P4HTM: variants seen among roughly 807,000 people sequenced by gnomAD.
P4HTM encodes the protein transmembrane prolyl 4-hydroxylase.
Under a neutral mutation model 55.3 loss-of-function variants are expected in P4HTM, and 33 were observed. The ratio of observed to expected loss-of-function variants is 0.60; its 90% CI spans 0.45 to 0.80. P4HTM has a LOEUF of 0.80. P4HTM is among the 30% of genes least tolerant of loss of function. The pLI, the probability that P4HTM is intolerant of heterozygous loss-of-function variation, is 0.00. For missense variants in P4HTM, 542 were observed against 696.5 expected, an observed-to-expected ratio of 0.78 and a Z score of 2.50; for synonymous variants, 272 against 286.4, an observed-to-expected ratio of 0.95 and a Z score of 0.51.
Position 49,004,228 on chromosome 3 carries a change from T to C in P4HTM, c.855T>C (p.Gly285=). 1 of 1,548,638 alleles carries C rather than the reference T, an allele frequency of 6.5e-7. No individual in the cohort carries two copies. The highest frequency in any genetic ancestry group is 8.7e-7 in the Non-Finnish European group (1 of 1,146,690). ...ATACCTGGCTCTACCAGGGTGAGGG[T>C]GCCCACCACATCATGCGTGCCATCC... ...SHHTWLYQGE[G]AHHIMRAIRQ... is the part of the protein sequence containing the mutation. Residue 285 remains glycine (G), a synonymous_variant, in exon 5 of 9, where the codon GGT becomes GGC. Coordinates refer to ENST00000383729, the MANE Select transcript of P4HTM (RefSeq NM_177939.3).
chr3:48,992,395 C>G (rs1319175323), intron 2 of P4HTM, among the ~76,000 whole-genome samples: 5 of 151,816 alleles, frequency 3.3e-5, no homozygotes, highest in African/African-American at 9.7e-5. Context: ...CACTTCAGGT[C>G]AGGAATTTGA....
intron 2 of P4HTM, among the ~76,000 whole-genome samples, chr3:48,992,703 T>C (rs2092934365): frequency 6.7e-6 from 1 of 149,914 alleles, no homozygotes; most frequent in Non-Finnish European, 1.5e-5. Context: ...TTCTCTCTTG[T>C]TGTCCAGGCT....
chr3:49,000,377 C>A (rs2092957675), intron 2 of P4HTM, among the ~76,000 whole-genome samples: 1 of 152,010 alleles, frequency 6.6e-6, no homozygotes, highest in Non-Finnish European at 1.5e-5. Flanking sequence ...TAGGGAGACT[C>A]CATCTCTACA....
In P4HTM at chr3:48,990,837, G is replaced by A; in HGVS notation, c.359G>A (p.Gly120Glu). The A allele has an allele frequency of 6.2e-7, 1 of 1,613,704 alleles. No homozygotes were observed. Among genetic ancestry groups the A allele is most frequent in the Non-Finnish European group, 8.5e-7 (1 of 1,179,820 alleles). Reference sequence around the variant, plus strand: ...CGCTGTGCGCCTTTTCCTTAGGTGGGGCACGAGCGTAAGGTCCAGCTGGTC... The same window carrying A: ...CGCTGTGCGCCTTTTCCTTAGGTGGAGCACGAGCGTAAGGTCCAGCTGGTC... ...PLTRLEGIKV[G>E]HERKVQLVTD... The change falls in exon 2 of 9, where the codon GGG (glycine) becomes GAG (glutamate). Residue 120 changes from glycine to glutamate, a missense_variant. Physicochemically the swap from Gly to Glu is moderately conservative, Grantham distance 98. This residue lies in a region of P4HTM where 536 missense variants were observed against 672.1 expected (regional missense o/e 0.80). Transcript: ENST00000383729. The surrounding 1 kb of genome is among the most constrained non-coding windows in gnomAD (Gnocchi z 7.2).
In P4HTM at chr3:48,990,971, T is replaced by G. The variant is rs1426028058; in HGVS notation, c.436+57T>G. ...AGGGGCTGCGGTTTGGTGGCCACCT[T>G]GAGGCTCGTTGTGACCACGTGACCT... On this transcript the variant is annotated intron_variant, in intron 2 of 8. Transcript: ENST00000383729. The surrounding 1 kb of genome is among the most constrained non-coding windows in gnomAD (Gnocchi z 7.2). 2.3e-6 allele frequency: 3 copies of G among 1,325,244 alleles called. No individual in the cohort carries two copies. Among genetic ancestry groups the G allele is most frequent in the Non-Finnish European group, 3.2e-6 (3 of 926,386 alleles). The allele number at this position is 1,325,244 out of a possible 1,614,324, so 82.1% of individuals were successfully genotyped here.
At position 49,002,143 on chromosome 3, in the gene P4HTM, TG is replaced by T. The variant is rs1332473549; in HGVS notation, c.628-356del. Reference sequence around the variant, plus strand: ...ATGCCCTAACCAGGTCTCCCCCTGGTGCCTGTTCTCCCTTAACACCCAGGAC... The same window carrying T: ...ATGCCCTAACCAGGTCTCCCCCTGGTCCTGTTCTCCCTTAACACCCAGGAC... On this transcript the variant is annotated intron_variant, in intron 3 of 8. Coordinates refer to ENST00000383729, the MANE Select transcript of P4HTM (RefSeq NM_177939.3). The surrounding 1 kb of genome is among the most constrained non-coding windows in gnomAD (Gnocchi z 4.4). Among the ~76,000 whole-genome samples the T allele has an allele frequency of 3.9e-5, 6 of 152,216 alleles. No individual in the cohort carries two copies. Among genetic ancestry groups the T allele is most frequent in the African/African-American group, 1.4e-4 (6 of 41,454 alleles).
chr3:48,990,869 A>G lies in P4HTM; in HGVS notation c.391A>G (p.Arg131Gly), dbSNP rs1315429258. ...HERKVQLVTDRDHFIRTLSLK... is the reference protein window; with the variant it reads ...HERKVQLVTDGDHFIRTLSLK... ...GCGTAAGGTCCAGCTGGTCACCGAC[A>G]GGGATCACTTCATCCGAACCCTCAG... Residue 131 changes from arginine (R) to glycine (G), a missense_variant, in exon 2 of 9, where the codon AGG becomes GGG. Arg to Gly is a moderately radical substitution (Grantham distance 125). Transcript: ENST00000383729. The surrounding 1 kb of genome is among the most constrained non-coding windows in gnomAD (Gnocchi z 7.2). 1 of 1,614,028 alleles carries G rather than the reference A, an allele frequency of 6.2e-7. No individual in the cohort carries two copies. Among genetic ancestry groups the G allele is most frequent in the African/African-American group, 1.3e-5 (1 of 75,054 alleles).
Position 49,001,439 on chromosome 3 carries a change from A to T in P4HTM, c.438A>T (p.Glu146Asp). The change falls in exon 3 of 9, where the codon GAA (glutamate) becomes GAT (aspartate). Residue 146 changes from glutamate (E) to aspartate (D), a missense_variant and splice_region_variant. Transcript: ENST00000383729. ...CTCACCCACCTCCTCTTCTGGCAGAAATCCCCGGCTTCCTGACTGATGAAG... is the reference window on the plus strand; with the variant it reads ...CTCACCCACCTCCTCTTCTGGCAGATATCCCCGGCTTCCTGACTGATGAAG... Reference protein sequence around the residue: ...RTLSLKPLLFEIPGFLTDEEC... With the variant: ...RTLSLKPLLFDIPGFLTDEEC... The T allele has an allele frequency of 6.2e-7, 1 of 1,613,762 alleles. No homozygotes were observed. Among genetic ancestry groups the T allele is most frequent in the Middle Eastern group, 1.6e-4 (1 of 6,062 alleles).
intron 2 of P4HTM, among the ~76,000 whole-genome samples, chr3:48,993,902 T>C (rs1401162242): frequency 1.4e-5 from 2 of 142,856 alleles, no homozygotes; most frequent in African/African-American, 5.2e-5. Context: ...GAAACCCAGA[T>C]CTAAAGTCAC....
At chr3:48,996,748 C>T (rs1259103693) in intron 2 of P4HTM, among the ~76,000 whole-genome samples, 3 of 152,176 alleles carry the variant, frequency 2.0e-5, no homozygotes, top group Admixed American at 6.5e-5. Context: ...GGCAAAGCTA[C>T]GGACCGGTAA....
chr3:49,001,252 C>A, intron 2 of P4HTM, 186 bp from the exon 3 acceptor site: 1 of 629,740 alleles, frequency 1.6e-6, no homozygotes, highest in East Asian at 2.8e-5. Context: ...CCAACGCCAG[C>A]CAGCCTTTGC....
intron 6 of P4HTM, 134 bp downstream of exon 6, chr3:49,005,180 G>T: frequency 4.4e-6 from 7 of 1,594,568 alleles, no homozygotes; most frequent in Non-Finnish European, 6.0e-6. Flanking sequence ...GGTTAGTGAT[G>T]CCCTCACCTC....
Position 49,002,295 on chromosome 3 carries a change from G to A in P4HTM, c.628-205G>A, listed in dbSNP as rs549892484. On this transcript the variant is annotated intron_variant, in intron 3 of 8. Transcript: ENST00000383729. The surrounding 1 kb of genome is among the most constrained non-coding windows in gnomAD (Gnocchi z 4.4). ...TAGTCCGGGAATGCAAATGGCCTAC[G>A]CCTCTTGACCCCCAGCCCCCGGCCT... is the stretch of plus-strand genomic sequence containing the variant. Among the ~76,000 whole-genome samples, 3 of 152,368 alleles carry A rather than the reference G, an allele frequency of 2.0e-5. No individual in the cohort carries two copies. In the East Asian group the frequency reaches 5.8e-4, roughly 29 times the overall value.
Position 48,990,657 on chromosome 3 carries a change from G to GC in P4HTM, c.354+50dup. On this transcript the variant is annotated intron_variant, in intron 1 of 8. Coordinates refer to ENST00000383729, the MANE Select transcript of P4HTM (RefSeq NM_177939.3). This position sits in a 1 kb window ranked among gnomAD's most constrained non-coding sequence, Gnocchi z 7.2. The stretch of plus-strand genomic sequence containing the variant: ...CGCGCTCCAGGCCCTGCACGGCTGA[G>GC]CCCGAGAGGACCGGCGCTCAGCCCG... 1 of 1,494,130 alleles carries GC rather than the reference G, an allele frequency of 6.7e-7. No individual in the cohort carries two copies. Among genetic ancestry groups the GC allele is most frequent in the Non-Finnish European group, 8.9e-7 (1 of 1,121,120 alleles). 92.6% of individuals were successfully genotyped at this position (1,494,130 alleles called of 1,614,324 possible).
At chr3:49,005,481 C>A in intron 6 of P4HTM, 1 of 1,348,272 alleles carries the variant, frequency 7.4e-7, no homozygotes, top group Non-Finnish European at 9.5e-7. Flanking sequence ...CCCTTCAGCG[C>A]GCCCTGTTGC....
Position 49,002,860 on chromosome 3 carries a change from A to G in P4HTM, c.724+264A>G. 1 of 534,296 alleles carries G rather than the reference A, an allele frequency of 1.9e-6. No individual in the cohort carries two copies. The highest frequency in any genetic ancestry group is 3.5e-6 in the Non-Finnish European group (1 of 289,174). The allele number at this position is 534,296 out of a possible 1,614,324, so 33.1% of individuals were successfully genotyped here. A position where few individuals can be genotyped will look rare whatever the true frequency, so the allele number is the denominator to read the frequency against. ...TTTGATAACATCAGGCAGAGTTGAG[A>G]GCCTGGGGACAGGAAGTAGGGCTGC... is the stretch of plus-strand genomic sequence containing the variant. On this transcript the variant is annotated intron_variant, in intron 4 of 8. Transcript: ENST00000383729. This position sits in a 1 kb window ranked among gnomAD's most constrained non-coding sequence, Gnocchi z 4.4.
intron 2 of P4HTM, among the ~76,000 whole-genome samples, chr3:48,993,965 T>A (rs2092938366): frequency 6.6e-6 from 1 of 152,132 alleles, no homozygotes; most frequent in African/African-American, 2.4e-5. Context: ...AAACTGGTTC[T>A]GGTTAAGCCA....
At position 49,002,734 on chromosome 3, in the gene P4HTM, G is replaced by A. The variant is rs543403655; in HGVS notation, c.724+138G>A. ...CCTTTATAGTGGCCAGAGATGGGGA[G>A]GTGAAGATCCAGCCTTGCTTTTTAC... is the stretch of plus-strand genomic sequence containing the variant. On this transcript the variant is annotated intron_variant, in intron 4 of 8. Coordinates refer to ENST00000383729, the MANE Select transcript of P4HTM (RefSeq NM_177939.3). This position sits in a 1 kb window ranked among gnomAD's most constrained non-coding sequence, Gnocchi z 4.4. 1.2e-5 allele frequency: 9 copies of A among 739,118 alleles called. No individual in the cohort carries two copies. The African/African-American group carries it at 1.4e-4, about 11-fold the overall frequency. 45.8% of individuals were successfully genotyped at this position (739,118 alleles called of 1,614,324 possible).
In P4HTM at chr3:48,990,946, AG is replaced by A; in HGVS notation, c.436+36del. 6.3e-7 allele frequency: 1 copy of A among 1,583,152 alleles called. No individual in the cohort carries two copies. The highest frequency in any genetic ancestry group is 1.1e-5 in the South Asian group (1 of 89,878). On this transcript the variant is annotated intron_variant, in intron 2 of 8. Coordinates refer to ENST00000383729, the MANE Select transcript of P4HTM (RefSeq NM_177939.3). The surrounding 1 kb of genome is among the most constrained non-coding windows in gnomAD (Gnocchi z 7.2). ...CCGCCAGATACTCCTGGGAAGGGCC[AG>A]GGGCTGCGGTTTGGTGGCCACCTTG...
Sources: gnomAD v4.1 joint callset for allele counts (sites outside exome capture counted in the v4.1 genomes callset) on GRCh38, gnomAD v4.1.1 for gene constraint, gnomAD v4.1.1 regional missense constraint, Gnocchi (gnomAD v3.1) non-coding constraint, MANE v1.5 for transcripts, NCBI Gene and HGNC (gene_info 2026-07-23, HGNC 2026-07-21) for gene names.